DIAPH2: variants seen among roughly 807,000 people sequenced by gnomAD.
DIAPH2 encodes the protein protein diaphanous homolog 2.
Under a neutral mutation model 92.7 loss-of-function variants are expected in DIAPH2, and 35 were observed. The observed-to-expected ratio is 0.38, with a 90% CI of 0.29 to 0.50. The LOEUF is 0.50. DIAPH2 is among the 20% of genes least tolerant of loss of function. The pLI, the probability that DIAPH2 is intolerant of heterozygous loss-of-function variation, is 0.94. For missense variants in DIAPH2, 701 were observed against 819.5 expected (o/e 0.86, Z 1.77); for synonymous variants, 301 against 280.4 (o/e 1.07, Z -0.73).
At chrX:97,038,905 A>G (rs1035962809) in intron 17 of DIAPH2, among the ~76,000 whole-genome samples, 9 of 111,640 alleles carry the variant, frequency 8.1e-5, no homozygotes, top group Admixed American at 3.8e-4. Flanking sequence ...TATGCCACAT[A>G]GAATAGTCTT....
chrX:97,406,958 A>AT (rs1196978077), intron 25 of DIAPH2, among the ~76,000 whole-genome samples: 4 of 110,581 alleles, frequency 3.6e-5, no homozygotes, highest in South Asian at 3.8e-4. Flanking sequence ...TTGTTTTTGA[A>AT]TTTTTTTTTA....
intron 12 of DIAPH2, 151 bp from the exon 13 acceptor site, chrX:96,941,867 A>C (rs1006605034): frequency 1.4e-5 from 6 of 425,797 alleles, no homozygotes; most frequent in Non-Finnish European, 2.5e-5. Flanking sequence ...AAGCTTAGGC[A>C]TGCTTGTCCT....
chrX:97,544,781 C>G (rs1348825828), intron 26 of DIAPH2, among the ~76,000 whole-genome samples: 1 of 112,098 alleles, frequency 8.9e-6, no homozygotes, highest in Non-Finnish European at 1.9e-5. Context: ...GGTTAACATT[C>G]TCTTCATGTT....
intron 17 of DIAPH2, among the ~76,000 whole-genome samples, chrX:97,031,408 G>T (rs1161945610): frequency 9.0e-6 from 1 of 110,646 alleles, no homozygotes; most frequent in Non-Finnish European, 1.9e-5. Flanking sequence ...AAAAATAATG[G>T]AAAAATCTAT....
At chrX:96,924,614 A>G (rs980013875) in intron 9 of DIAPH2, among the ~76,000 whole-genome samples, 1 of 111,333 alleles carries the variant, frequency 9.0e-6, no homozygotes, top group Admixed American at 9.6e-5. Flanking sequence ...TCACATTGCT[A>G]TAAAGAGCTA....
At chrX:97,481,933 C>T (rs2070653722) in intron 26 of DIAPH2, among the ~76,000 whole-genome samples, 1 of 111,911 alleles carries the variant, frequency 8.9e-6, no homozygotes, top group Non-Finnish European at 1.9e-5. Flanking sequence ...TTCTGGTTAA[C>T]AGTGGTTGGC....
At chrX:96,761,017 G>A (rs1205389577) in intron 4 of DIAPH2, among the ~76,000 whole-genome samples, 1 of 110,143 alleles carries the variant, frequency 9.1e-6, no homozygotes, top group Non-Finnish European at 1.9e-5. Context: ...ACCTGGAAGA[G>A]TCTATATTTT....
intron 5 of DIAPH2, among the ~76,000 whole-genome samples, chrX:96,900,757 A>G (rs1057198168): frequency 1.8e-5 from 2 of 111,896 alleles, no homozygotes; most frequent in South Asian, 3.7e-4. Context: ...TATCACATCT[A>G]TTGACTTGCT....
chrX:97,440,594 C>CA (rs775916074), intron 26 of DIAPH2, among the ~76,000 whole-genome samples: 1,639 of 39,311 alleles, frequency 0.042, 23 homozygotes, highest in Middle Eastern at 0.071. Context: ...CTTCGTCTCA[C>CA]AAAAAAAAAA....
chrX:97,475,530 T>C (rs1315768569), intron 26 of DIAPH2, among the ~76,000 whole-genome samples: 1 of 112,034 alleles, frequency 8.9e-6, no homozygotes, highest in Non-Finnish European at 1.9e-5. Context: ...AGAGAGATAA[T>C]TCTAATGACA....
rs143189274 is a variant in DIAPH2, at chrX:96,824,696, A to G, written c.448-56883A>G. ...TAAGAAAATGTCATTTGATTTGCAT[A>G]TGTAAACAATCAGGTCTATGAACCA... On this transcript the variant is annotated intron_variant, in intron 4 of 26. Transcript: ENST00000324765. 8.9e-4 allele frequency among the ~76,000 whole-genome samples: 99 copies of G among 111,423 alleles called. No homozygotes were observed. The East Asian group carries it at 0.026, about 30-fold the overall frequency.
At chrX:96,745,773 C>T (rs1436523079) in intron 3 of DIAPH2, among the ~76,000 whole-genome samples, 2 of 112,166 alleles carry the variant, frequency 1.8e-5, no homozygotes, top group Non-Finnish European at 3.8e-5. Context: ...GTCTCATTGA[C>T]TCTGGCATCT....
At chrX:97,443,382 A>G (rs1602593316) in intron 26 of DIAPH2, among the ~76,000 whole-genome samples, 1 of 112,590 alleles carries the variant, frequency 8.9e-6, no homozygotes, top group East Asian at 2.8e-4. Flanking sequence ...TACTATGCTT[A>G]TAACTATATT....
At chrX:97,492,412 A>G (rs746072815) in intron 26 of DIAPH2, among the ~76,000 whole-genome samples, 4 of 111,006 alleles carry the variant, frequency 3.6e-5, no homozygotes, top group African/African-American at 1.3e-4. Flanking sequence ...TAGGAATGAG[A>G]CCCTGTCTCA....
chrX:96,754,332 C>T (rs1040044493), intron 3 of DIAPH2, among the ~76,000 whole-genome samples: 32 of 111,862 alleles, frequency 2.9e-4, no homozygotes, highest in African/African-American at 1.0e-3. Context: ...ACATATATAG[C>T]ATTTACTAAG....
intron 17 of DIAPH2, among the ~76,000 whole-genome samples, chrX:96,994,264 A>T (rs377297470): frequency 7.2e-5 from 8 of 111,881 alleles, no homozygotes; most frequent in African/African-American, 2.3e-4. Flanking sequence ...AATTAGTGAC[A>T]TATTAAACTT....
chrX:97,025,607 G>A (rs1200788641), intron 17 of DIAPH2, among the ~76,000 whole-genome samples: 1 of 110,632 alleles, frequency 9.0e-6, no homozygotes. Flanking sequence ...GGCCGAGATC[G>A]CGCCACTGCA....
intron 26 of DIAPH2, among the ~76,000 whole-genome samples, chrX:97,524,531 T>C (rs2147847259): frequency 8.9e-6 from 1 of 112,057 alleles, no homozygotes; most frequent in African/African-American, 3.2e-5. Flanking sequence ...TTACAATGAG[T>C]CAGACACTTA....
intron 17 of DIAPH2, among the ~76,000 whole-genome samples, chrX:97,041,731 A>G (rs772544066): frequency 8.9e-6 from 1 of 111,830 alleles, no homozygotes; most frequent in African/African-American, 3.2e-5. Context: ...ATAAATAAAT[A>G]CCAGTAGAAA....
Sources: gnomAD v4.1 joint callset for allele counts (sites outside exome capture counted in the v4.1 genomes callset) on GRCh38, gnomAD v4.1.1 for gene constraint, MANE v1.5 for transcripts, NCBI Gene and HGNC (gene_info 2026-07-23, HGNC 2026-07-21) for gene names.